Variants in FRMPD4 observed in about 807,000 individuals in gnomAD.
FRMPD4 encodes the protein FERM and PDZ domain-containing protein 4.
FRMPD4 carries 22 observed loss-of-function variants against 94.1 expected under a neutral mutation model. The ratio of observed to expected loss-of-function variants is 0.23; its 90% CI spans 0.17 to 0.33. FRMPD4 has a LOEUF of 0.33. FRMPD4 is among the 10% of genes least tolerant of loss of function. FRMPD4 has a pLI of 1.00. For missense variants in FRMPD4, 1,111 were observed against 1,339.9 expected (o/e 0.83, Z 2.67); for synonymous variants, 631 against 548.6 (o/e 1.15, Z -2.10).
intron 2 of FRMPD4, among the ~76,000 whole-genome samples, chrX:11,868,952 C>T (rs897350557): frequency 7.1e-5 from 8 of 112,321 alleles, no homozygotes; most frequent in Non-Finnish European, 1.3e-4. Flanking sequence ...TGGCCCTTTA[C>T]AGGAAAACTT....
chrX:12,683,962 A>G (rs1183731070), intron 6 of FRMPD4, among the ~76,000 whole-genome samples: 1 of 112,338 alleles, frequency 8.9e-6, no homozygotes, highest in Non-Finnish European at 1.9e-5. Flanking sequence ...GCATTCTTCC[A>G]TATGATAGTG....
At chrX:11,859,880 A>G (rs1481639907) in intron 1 of FRMPD4, among the ~76,000 whole-genome samples, 41 of 111,855 alleles carry the variant, frequency 3.7e-4, no homozygotes, top group Non-Finnish European at 1.1e-4. Context: ...TAAAATGCTC[A>G]TTGCTATTTC....
At chrX:12,028,468 A>T in intron 3 of FRMPD4, among the ~76,000 whole-genome samples, 1 of 109,645 alleles carries the variant, frequency 9.1e-6, no homozygotes. Flanking sequence ...CAATTCATGA[A>T]CCTACATTGC....
chrX:12,250,772 T>C (rs989237193), intron 1 of FRMPD4, among the ~76,000 whole-genome samples: 1 of 111,543 alleles, frequency 9.0e-6, no homozygotes, highest in Admixed American at 9.5e-5. Flanking sequence ...AAGTGCATGC[T>C]GTCTCTAGTT....
chrX:12,496,867 A>G (rs767956239), intron 1 of FRMPD4, among the ~76,000 whole-genome samples: 2 of 112,086 alleles, frequency 1.8e-5, no homozygotes, highest in South Asian at 7.4e-4. Flanking sequence ...TTTTATGACA[A>G]GAGGCTTTAT....
chrX:12,150,792 G>C (rs1228412778), intron 1 of FRMPD4, among the ~76,000 whole-genome samples: 1 of 111,563 alleles, frequency 9.0e-6, no homozygotes, highest in Non-Finnish European at 1.9e-5. Context: ...CTCTGAGGGA[G>C]ATGTACAAAG....
At chrX:11,859,379 T>C (rs1383117517) in intron 1 of FRMPD4, among the ~76,000 whole-genome samples, 1 of 112,304 alleles carries the variant, frequency 8.9e-6, no homozygotes, top group Non-Finnish European at 1.9e-5. Flanking sequence ...TGATAAAGTT[T>C]TGTAAAATAT....
chrX:11,892,503 C>T (rs1202575591), intron 3 of FRMPD4, among the ~76,000 whole-genome samples: 1 of 111,978 alleles, frequency 8.9e-6, no homozygotes, highest in Non-Finnish European at 1.9e-5. Flanking sequence ...TGATAGCCAC[C>T]AGCTCCTTCA....
intron 1 of FRMPD4, among the ~76,000 whole-genome samples, chrX:12,148,053 G>A (rs1449386276): frequency 9.0e-6 from 1 of 111,681 alleles, no homozygotes; most frequent in Non-Finnish European, 1.9e-5. Flanking sequence ...TAACAATATT[G>A]AAATCAGGCC....
chrX:12,541,668 G>T (rs1360158637), intron 2 of FRMPD4, among the ~76,000 whole-genome samples: 1 of 111,920 alleles, frequency 8.9e-6, no homozygotes. Context: ...GGTACAAGAA[G>T]GAGCTGGTAC....
intron 3 of FRMPD4, among the ~76,000 whole-genome samples, chrX:11,903,553 T>A (rs972488419): frequency 1.3e-4 from 15 of 112,112 alleles, no homozygotes; most frequent in African/African-American, 4.5e-4. Flanking sequence ...GCTTTATTTG[T>A]TTGAAGTCAA....
intron 1 of FRMPD4, among the ~76,000 whole-genome samples, chrX:12,188,195 G>T (rs1248976312): frequency 8.9e-6 from 1 of 111,935 alleles, no homozygotes; most frequent in Non-Finnish European, 1.9e-5. Context: ...TCTAAAAGCA[G>T]CATGTCTCCT....
intron 1 of FRMPD4, among the ~76,000 whole-genome samples, chrX:12,295,785 G>A (rs761371503): frequency 9.0e-6 from 1 of 111,686 alleles, no homozygotes; most frequent in Non-Finnish European, 1.9e-5. Flanking sequence ...AAATATGAAC[G>A]TTCCTTATTT....
At chrX:12,340,634 C>G (rs2055597891) in intron 1 of FRMPD4, among the ~76,000 whole-genome samples, 1 of 109,611 alleles carries the variant, frequency 9.1e-6, no homozygotes, top group Non-Finnish European at 1.9e-5. Flanking sequence ...TGCACCATTT[C>G]TCTCTTCAGA....
At position 12,722,186 on chromosome X, in the gene FRMPD4, T is replaced by C. The variant is rs1263312947; in HGVS notation, c.*328T>C. On this transcript the variant is annotated 3_prime_UTR_variant, in exon 17 of 17. Transcript: ENST00000675598. ...GCAAAACAATGAATCCTATCCCCTTTCTTTCCAAGTAGCTACTTGGAAACC... is the reference window on the plus strand; with the variant it reads ...GCAAAACAATGAATCCTATCCCCTTCCTTTCCAAGTAGCTACTTGGAAACC... 1 of 111,096 alleles carries C rather than the reference T, an allele frequency of 9.0e-6. No individual in the cohort carries two copies. Among genetic ancestry groups the C allele is most frequent in the Non-Finnish European group, 1.9e-5 (1 of 52,980 alleles). 9.2% of individuals were successfully genotyped at this position (111,096 alleles called of 1,213,427 possible).
At chrX:12,610,249 G>T (rs940866360) in intron 3 of FRMPD4, among the ~76,000 whole-genome samples, 64 of 112,140 alleles carry the variant, frequency 5.7e-4, no homozygotes, top group Non-Finnish European at 2.1e-4. Flanking sequence ...TTAGTCATAG[G>T]GGTAGTTGGA....
intron 2 of FRMPD4, among the ~76,000 whole-genome samples, chrX:12,550,384 C>A (rs2058521412): frequency 9.1e-6 from 1 of 110,292 alleles, no homozygotes; most frequent in African/African-American, 3.3e-5. Context: ...GGACTGACAT[C>A]ATAATGACCT....
intron 2 of FRMPD4, among the ~76,000 whole-genome samples, chrX:12,509,002 A>G (rs1346929597): frequency 6.5e-5 from 7 of 107,454 alleles, no homozygotes; most frequent in African/African-American, 2.4e-4. Context: ...AAAAAAAAAA[A>G]AAAAAAAAAA....
intron 2 of FRMPD4, among the ~76,000 whole-genome samples, chrX:12,507,488 C>A (rs1312068336): frequency 8.9e-6 from 1 of 112,168 alleles, no homozygotes; most frequent in Non-Finnish European, 1.9e-5. Context: ...TAGTACTTTG[C>A]CAATCCCTAC....
Sources: allele counts gnomAD v4.1 joint callset (sites outside exome capture counted in the v4.1 genomes callset), GRCh38; gene constraint gnomAD v4.1.1; transcripts MANE v1.5; gene names NCBI Gene and HGNC (gene_info 2026-07-23, HGNC 2026-07-21).